The following VPS39 variants were observed in gnomAD, a reference collection of about 807,000 sequenced individuals.
VPS39 encodes VPS39 subunit of HOPS complex.
Under a neutral mutation model 121.0 loss-of-function variants are expected in VPS39, and 70 were observed. The ratio of observed to expected loss-of-function variants is 0.58; its 90% CI spans 0.48 to 0.71. The LOEUF is 0.71. Among genes scored for constraint, VPS39 ranks in the 30% least tolerant of loss-of-function variants. The pLI, the probability that VPS39 is intolerant of heterozygous loss-of-function variation, is 0.00. For missense variants in VPS39, 818 were observed against 1,051.5 expected (o/e 0.78, Z 3.07); for synonymous variants, 378 against 398.1 (o/e 0.95, Z 0.60).
chr15:42,191,532 C>A lies in VPS39; in HGVS notation c.168G>T (p.Glu56Asp). 1 of 1,614,058 alleles carries A rather than the reference C, an allele frequency of 6.2e-7. No homozygotes were observed. Among genetic ancestry groups the A allele is most frequent in the Non-Finnish European group, 8.5e-7 (1 of 1,180,000 alleles). The change falls in exon 3 of 25, where the codon GAG becomes GAT. Residue 56 changes from glutamate (E) to aspartate (D), a missense_variant. Coordinates refer to ENST00000318006, the MANE Select transcript of VPS39 (RefSeq NM_015289.5). ...TTTTGGAGAAGTTCTTATTGGATTT[C>A]TCTAGTGTCACTTCAAATCTGTTGC... The part of the protein sequence containing the change: ...VGCNRFEVTL[E>D]KSNKNFSKKI...
At chr15:42,204,536 A>G (rs650910) in intron 1 of VPS39, among the ~76,000 whole-genome samples, 9,992 of 152,116 alleles carry the variant, frequency 0.066, 858 homozygotes, top group African/African-American at 0.18. Context: ...AGTAATCCTA[A>G]CTACTCGGGA....
rs1200029497 is a variant in VPS39 at position 42,165,020 on chromosome 15, C to T, written c.1873G>A (p.Glu625Lys). The T allele has an allele frequency of 6.2e-7, 1 of 1,614,224 alleles. No individual in the cohort carries two copies. Residue 625 changes from glutamate (E) to lysine (K), a missense_variant, in exon 18 of 25, where the codon GAG becomes AAG. Physicochemically the swap from Glu to Lys is moderately conservative, Grantham distance 56. Transcript: ENST00000318006. ...YCEKVQGLMK[E>K]YLLSFPAGKT... ...CCTGCAGGGAAGGACAGGAGATACT[C>T]CTTCATCAGACCTTGCACCTTCTCA...
intron 11 of VPS39, among the ~76,000 whole-genome samples, chr15:42,173,288 C>CACTA (rs2049382125): frequency 6.6e-6 from 1 of 152,210 alleles, no homozygotes; most frequent in African/African-American, 2.4e-5. Flanking sequence ...CTGCTCCTCG[C>CACTA]CACTACACTC....
rs746665425 is a variant in VPS39 at position 42,166,560 on chromosome 15, T to G, written c.1606+3A>C. 7 of 1,614,220 alleles carry G rather than the reference T, an allele frequency of 4.3e-6. No individual in the cohort carries two copies. In the South Asian group the frequency reaches 7.7e-5, roughly 18 times the overall value. Reference sequence around the variant, plus strand: ...TCCCACCCCTTTCAAAAGGCGGACTTACCCAGATGCTGCAGATACTGCACT... The same window carrying G: ...TCCCACCCCTTTCAAAAGGCGGACTGACCCAGATGCTGCAGATACTGCACT... On this transcript the variant is annotated splice_donor_region_variant and intron_variant, in intron 15 of 24. Coordinates refer to ENST00000318006, the MANE Select transcript of VPS39 (RefSeq NM_015289.5).
intron 8 of VPS39, 140 bp downstream of exon 8, chr15:42,184,377 A>G: frequency 2.4e-6 from 2 of 820,412 alleles, no homozygotes; most frequent in Non-Finnish European, 3.5e-6. Flanking sequence ...CTAAAATGTC[A>G]TCTACTTATA....
At chr15:42,181,550 G>A (rs2049580904) in intron 8 of VPS39, among the ~76,000 whole-genome samples, 1 of 152,108 alleles carries the variant, frequency 6.6e-6, no homozygotes, top group Admixed American at 6.5e-5. Context: ...TGTATGTTAT[G>A]TGTTTTTTAC....
chr15:42,203,286 C>G (rs1315997930), intron 1 of VPS39, among the ~76,000 whole-genome samples: 1 of 151,978 alleles, frequency 6.6e-6, no homozygotes, highest in Non-Finnish European at 1.5e-5. Context: ...CTGGCCAACA[C>G]AGTGGAAACC....
At chr15:42,184,752 A>G in intron 7 of VPS39, 52 bp from the exon 8 acceptor site, 1 of 1,531,210 alleles carries the variant, frequency 6.5e-7, no homozygotes, top group Non-Finnish European at 8.8e-7. Context: ...CAGAGGTAAG[A>G]ACACAGGAAA....
At chr15:42,164,559 G>A (rs1035019495) in intron 18 of VPS39, 73 bp from the exon 19 acceptor site, 2 of 1,582,308 alleles carry the variant, frequency 1.3e-6, no homozygotes, top group Non-Finnish European at 1.7e-6. Context: ...GAAAAATGAA[G>A]GGAATGGGGT....
Position 42,199,957 on chromosome 15 carries a change from T to C in VPS39, c.78A>G (p.Glu26=). ...LQIDCLAAWE[E]WLLVGTKQGH... is the part of the protein sequence containing the mutation. ...CTTGTTTGGTTCCCACAAGAAGCCA[T>C]TCCTCTGGAAAAACAAAACAAAACA... Residue 26 remains glutamate, a synonymous_variant, in exon 2 of 25, where the codon GAA becomes GAG. Coordinates refer to ENST00000318006, the MANE Select transcript of VPS39 (RefSeq NM_015289.5). The C allele has an allele frequency of 6.3e-7, 1 of 1,577,652 alleles. No homozygotes were observed. Among genetic ancestry groups the C allele is most frequent in the East Asian group, 2.3e-5 (1 of 43,330 alleles).
In VPS39 at chr15:42,199,970, A is replaced by G. The variant is rs1300459779; in HGVS notation, c.74-9T>C. On this transcript the variant is annotated splice_polypyrimidine_tract_variant and intron_variant, in intron 1 of 24. Coordinates refer to ENST00000318006, the MANE Select transcript of VPS39 (RefSeq NM_015289.5). ...CACAAGAAGCCATTCCTCTGGAAAA[A>G]CAAAACAAAACAAAAACAAAAACAA... 1 of 1,556,330 alleles carries G rather than the reference A, an allele frequency of 6.4e-7. No homozygotes were observed. The highest frequency in any genetic ancestry group is 8.6e-7 in the Non-Finnish European group (1 of 1,161,162).
intron 6 of VPS39, 94 bp downstream of exon 6, chr15:42,187,664 C>T (rs1347125423): frequency 1.2e-5 from 13 of 1,103,846 alleles, no homozygotes; most frequent in Admixed American, 3.4e-5. Context: ...TATTCATTTG[C>T]GTAGAATGAC....
intron 8 of VPS39, 147 bp from the exon 9 acceptor site, chr15:42,178,717 CAGAA>C: frequency 8.5e-7 from 1 of 1,180,138 alleles, no homozygotes; most frequent in Non-Finnish European, 1.2e-6. Context: ...CACTGTGATT[CAGAA>C]AGAAAGAAAA....
At chr15:42,179,618 TAAA>T (rs2049537401) in intron 8 of VPS39, among the ~76,000 whole-genome samples, 1 of 113,058 alleles carries the variant, frequency 8.8e-6, no homozygotes, top group African/African-American at 3.5e-5. Flanking sequence ...AATAAATAAA[TAAA>T]TAAAATAAAA....
At chr15:42,170,508 A>T (rs8031479) in intron 11 of VPS39, among the ~76,000 whole-genome samples, 8 of 152,284 alleles carry the variant, frequency 5.3e-5, no homozygotes, top group South Asian at 2.1e-4. Context: ...TCTCAAAAAA[A>T]TTTTTTAAAA....
intron 10 of VPS39, among the ~76,000 whole-genome samples, chr15:42,174,322 C>A (rs2049406340): frequency 6.6e-6 from 1 of 152,168 alleles, no homozygotes; most frequent in Non-Finnish European, 1.5e-5. Context: ...CCCTTACAGT[C>A]TAACTGTAAG....
intron 13 of VPS39, 47 bp downstream of exon 13, chr15:42,167,347 G>A: frequency 6.2e-7 from 1 of 1,607,202 alleles, no homozygotes; most frequent in Non-Finnish European, 8.5e-7. Context: ...TTCCCAGACT[G>A]TCAGGGTAAC....
At chr15:42,164,536 G>T in intron 18 of VPS39, 50 bp from the exon 19 acceptor site, 2 of 1,604,048 alleles carry the variant, frequency 1.2e-6, no homozygotes, top group Non-Finnish European at 1.7e-6. Flanking sequence ...AGGTGGCAAT[G>T]TAGGGTCATC....
At chr15:42,165,468 C>T in intron 17 of VPS39, 1 of 471,258 alleles carries the variant, frequency 2.1e-6, no homozygotes, top group African/African-American at 2.0e-5. Flanking sequence ...ATTTTTTTTC[C>T]AAATGTGGCT....
Sources: allele counts gnomAD v4.1 joint callset (sites outside exome capture counted in the v4.1 genomes callset), GRCh38; gene constraint gnomAD v4.1.1; transcripts MANE v1.5; gene names NCBI Gene and HGNC (gene_info 2026-07-23, HGNC 2026-07-21).